Variants in L2HGDH observed in about 807,000 individuals in gnomAD.
L2HGDH encodes L-2-hydroxyglutarate dehydrogenase, mitochondrial.
L2HGDH carries 34 observed loss-of-function variants against 51.5 expected under a neutral mutation model. That is an observed-to-expected ratio of 0.66 (90% CI 0.50 to 0.88). The LOEUF (loss-of-function observed/expected upper bound fraction) is 0.88, where lower values mean the gene tolerates loss of function less well. Among genes scored for constraint, L2HGDH ranks in the 40% least tolerant of loss-of-function variants. The pLI, the probability that L2HGDH is intolerant of heterozygous loss-of-function variation, is 0.00. For missense variants in L2HGDH, 558 were observed against 571.9 expected, an observed-to-expected ratio of 0.98 and a Z score of 0.25; for synonymous variants, 198 against 197.9, an observed-to-expected ratio of 1.00 and a Z score of -0.01.
intron 4 of L2HGDH, among the ~76,000 whole-genome samples, chr14:50,291,173 G>C (rs1890859880): frequency 7.3e-6 from 1 of 136,870 alleles, no homozygotes; most frequent in African/African-American, 2.9e-5. Context: ...ACTCCAGCTT[G>C]GGGGACAGAC....
chr14:50,258,318 C>T (rs1244058051), intron 9 of L2HGDH, among the ~76,000 whole-genome samples: 2 of 151,570 alleles, frequency 1.3e-5, no homozygotes, highest in African/African-American at 4.9e-5. Flanking sequence ...CAGATTCAAG[C>T]AATCCTCCCT....
At position 50,243,175 on chromosome 14, in the gene L2HGDH, G is replaced by A; in HGVS notation, c.*3883C>T. On this transcript the variant is annotated 3_prime_UTR_variant, in exon 10 of 10. Transcript: ENST00000267436. ...CTGAGAGGATCAAGGGAAGGACTTT[G>A]ATATACACATATATGTATGGATAAA... 3 of 985,372 alleles carry A rather than the reference G, an allele frequency of 3.0e-6. No homozygotes were observed. The highest frequency in any genetic ancestry group is 3.6e-6 in the Non-Finnish European group (3 of 829,896). The allele number at this position is 985,372 out of a possible 1,614,324, so 61.0% of individuals were successfully genotyped here. A position where few individuals can be genotyped will look rare whatever the true frequency, so the allele number is the denominator to read the frequency against.
Position 50,312,158 on chromosome 14 carries a change from G to A in L2HGDH, c.-8C>T, listed in dbSNP as rs1042901667. 9.9e-6 allele frequency: 16 copies of A among 1,609,124 alleles called. No individual in the cohort carries two copies. The highest frequency in any genetic ancestry group is 1.6e-4 in the Middle Eastern group (1 of 6,076). On this transcript the variant is annotated 5_prime_UTR_variant, in exon 1 of 10. Coordinates refer to ENST00000267436, the MANE Select transcript of L2HGDH (RefSeq NM_024884.3). ...ACGCAGCGCTGGCACCATCCCCTAC[G>A]CACGCTCCCCTCCCTCAGCGCTCAG...
chr14:50,294,159 G>GC lies in L2HGDH; in HGVS notation c.495dup (p.Leu166AlafsTer15). On this transcript the variant is annotated frameshift_variant, in exon 4 of 10. Transcript: ENST00000267436. LOFTEE classifies it high-confidence loss of function. ...TTTTTTATATCCTCCTGCTGGATCA[G>GC]CCTCAGGCCCGGGACACCATTCTGG... is the stretch of plus-strand genomic sequence containing the variant. 6.2e-7 allele frequency: 1 copy of GC among 1,613,704 alleles called. No individual in the cohort carries two copies. The highest frequency in any genetic ancestry group is 8.5e-7 in the Non-Finnish European group (1 of 1,179,964).
Position 50,245,259 on chromosome 14 carries a change from C to CA in L2HGDH, c.*1798dup, listed in dbSNP as rs1285531097. ...TGAGAGCCTTAGTGTGACTAAAGAT[C>CA]AGAGATATAATAGATAAATAACTTT... On this transcript the variant is annotated 3_prime_UTR_variant, in exon 10 of 10. Coordinates refer to ENST00000267436, the MANE Select transcript of L2HGDH (RefSeq NM_024884.3). 1 of 984,906 alleles carries CA rather than the reference C, an allele frequency of 1.0e-6. No individual in the cohort carries two copies. Among genetic ancestry groups the CA allele is most frequent in the African/African-American group, 1.7e-5 (1 of 57,202 alleles). 61.0% of individuals were successfully genotyped at this position (984,906 alleles called of 1,614,324 possible). A position where few individuals can be genotyped will look rare whatever the true frequency, so the allele number is the denominator to read the frequency against.
At chr14:50,278,410 A>T (rs374419336) in intron 6 of L2HGDH, 110 bp downstream of exon 6, 1 of 548,996 alleles carries the variant, frequency 1.8e-6, no homozygotes, top group Non-Finnish European at 3.2e-6. Context: ...TCAGAATTAC[A>T]TTAGACAAAT....
intron 8 of L2HGDH, among the ~76,000 whole-genome samples, chr14:50,267,137 CTTTTTA>C (rs1364113735): frequency 3.3e-5 from 5 of 149,538 alleles, no homozygotes; most frequent in African/African-American, 9.8e-5. Flanking sequence ...GCCTTATCTT[CTTTTTA>C]TTTTTATTTA....
chr14:50,295,985 C>G (rs560245624), intron 3 of L2HGDH, among the ~76,000 whole-genome samples: 204 of 152,002 alleles, frequency 1.3e-3, no homozygotes, highest in South Asian at 1.0e-2. Context: ...GTGGTCCATC[C>G]ACTTCGGCCT....
intron 9 of L2HGDH, 69 bp from the exon 10 acceptor site, chr14:50,247,322 A>G: frequency 6.4e-7 from 1 of 1,562,034 alleles, no homozygotes; most frequent in Non-Finnish European, 8.7e-7. Context: ...AGCGTTTCCA[A>G]AAAGTCTTAA....
chr14:50,280,067 A>G (rs1293018508), intron 5 of L2HGDH, among the ~76,000 whole-genome samples: 3 of 149,168 alleles, frequency 2.0e-5, no homozygotes, highest in African/African-American at 4.9e-5. Flanking sequence ...CTCAAAAGAA[A>G]AAAAAAAAAA....
chr14:50,243,653 T>C lies in L2HGDH; in HGVS notation c.*3405A>G. ...TCAACAAATTTTTCATTTTTATTTTTCAGGGTATTTTATATATATATATAT... is the reference window on the plus strand; with the variant it reads ...TCAACAAATTTTTCATTTTTATTTTCCAGGGTATTTTATATATATATATAT... On this transcript the variant is annotated 3_prime_UTR_variant, in exon 10 of 10. Transcript: ENST00000267436. 2.6e-6 allele frequency: 1 copy of C among 380,210 alleles called. No individual in the cohort carries two copies. The highest frequency in any genetic ancestry group is 3.3e-6 in the Non-Finnish European group (1 of 303,148). The allele number at this position is 380,210 out of a possible 1,614,324, so 23.6% of individuals were successfully genotyped here.
rs2029892766 is a variant in L2HGDH at position 50,294,081 on chromosome 14, C to T, written c.540+34G>A. On this transcript the variant is annotated intron_variant, in intron 4 of 9. Transcript: ENST00000267436. ...CAGCCTCCATGTCTCAGGACTAAGC[C>T]CTAAATAAAAACATCCCTTTGTTAA... 2.5e-6 allele frequency: 4 copies of T among 1,611,328 alleles called. No individual in the cohort carries two copies. The South Asian group carries it at 3.3e-5, about 13-fold the overall frequency.
chr14:50,243,949 T>C lies in L2HGDH; in HGVS notation c.*3109A>G, dbSNP rs1445783101. On this transcript the variant is annotated 3_prime_UTR_variant, in exon 10 of 10. Transcript: ENST00000267436. ...CATGCGGTGTTTGGTTTTTTGTTCTTGCGATAGTTTACTGAGAATGATGAT... is the reference window on the plus strand; with the variant it reads ...CATGCGGTGTTTGGTTTTTTGTTCTCGCGATAGTTTACTGAGAATGATGAT... 1 of 149,718 alleles carries C rather than the reference T, an allele frequency of 6.7e-6. No individual in the cohort carries two copies. The highest frequency in any genetic ancestry group is 1.5e-5 in the Non-Finnish European group (1 of 67,510). The allele number at this position is 149,718 out of a possible 1,614,324, so 9.3% of individuals were successfully genotyped here.
chr14:50,243,449 G>A lies in L2HGDH; in HGVS notation c.*3609C>T, dbSNP rs1697486505. ...ATTTATTTGCATAAAAGTTTTTATG[G>A]AACTAAAAAATATGTTCTCTACAAC... On this transcript the variant is annotated 3_prime_UTR_variant, in exon 10 of 10. Transcript: ENST00000267436. 1.1e-6 allele frequency: 1 copy of A among 871,088 alleles called. No individual in the cohort carries two copies. Among genetic ancestry groups the A allele is most frequent in the Non-Finnish European group, 1.4e-6 (1 of 726,552 alleles). The allele number at this position is 871,088 out of a possible 1,614,324, so 54.0% of individuals were successfully genotyped here.
At chr14:50,310,831 T>G (rs2031079325) in intron 1 of L2HGDH, among the ~76,000 whole-genome samples, 1 of 152,012 alleles carries the variant, frequency 6.6e-6, no homozygotes, top group African/African-American at 2.4e-5. Context: ...TCGCTATTAC[T>G]GGTATCCCAC....
Position 50,265,439 on chromosome 14 carries a change from A to T in L2HGDH, c.1115T>A (p.Met372Lys). ...SQNFSYGVTE[M>K]YKACFLGATV... Reference sequence around the variant, plus strand: ...TGCACCAAGAAAACATGCTTTATACATTTCAGTAACTCCATAGGAAAAATT... The same window carrying T: ...TGCACCAAGAAAACATGCTTTATACTTTTCAGTAACTCCATAGGAAAAATT... The change falls in exon 9 of 10, where the codon ATG (methionine) becomes AAG (lysine). Residue 372 changes from methionine to lysine, a missense_variant. Met to Lys is a moderately conservative substitution (Grantham distance 95). This residue lies in a region of L2HGDH where 321 missense variants were observed against 311.8 expected (regional missense o/e 1.03). Transcript: ENST00000267436. 6.2e-6 allele frequency: 10 copies of T among 1,613,114 alleles called. No homozygotes were observed. Among genetic ancestry groups the T allele is most frequent in the Non-Finnish European group, 8.5e-6 (10 of 1,179,210 alleles).
In L2HGDH at chr14:50,303,844, G is replaced by A. The variant is rs141742202; in HGVS notation, c.141-827C>T. 9.8e-3 allele frequency among the ~76,000 whole-genome samples: 1,320 copies of A among 134,052 alleles called. 18 individuals are homozygous for A. Among genetic ancestry groups the A allele is most frequent in the African/African-American group, 0.034 (1,226 of 35,920 alleles). 87.9% of individuals were successfully genotyped at this position (134,052 alleles called of 152,430 possible). ...AAAAAAAAAACCTCAAAAGTTATAC[G>A]CATCACTGGTCAGTAGTATAATCAA... On this transcript the variant is annotated intron_variant, in intron 1 of 9. Transcript: ENST00000267436.
rs141560773 is a variant in L2HGDH at position 50,304,396 on chromosome 14, T to C, written c.141-1379A>G. 4.9e-4 allele frequency among the ~76,000 whole-genome samples: 75 copies of C among 152,334 alleles called. 1 individual carries two copies. The highest frequency in any genetic ancestry group is 6.8e-3 in the Middle Eastern group (2 of 294). ...ACAATGTGTTAACACATTAAAGCTT[T>C]AACACTTTAGTGTGCAAGAATTTTT... On this transcript the variant is annotated intron_variant, in intron 1 of 9. Transcript: ENST00000267436.
intron 6 of L2HGDH, among the ~76,000 whole-genome samples, chr14:50,271,965 A>T (rs1889719821): frequency 6.6e-6 from 1 of 152,074 alleles, no homozygotes; most frequent in Non-Finnish European, 1.5e-5. Context: ...ACATGGTGAA[A>T]CCCTGTCTCT....
Sources: gnomAD v4.1 joint callset for allele counts (sites outside exome capture counted in the v4.1 genomes callset) on GRCh38, gnomAD v4.1.1 for gene constraint, gnomAD v4.1.1 regional missense constraint, MANE v1.5 for transcripts, NCBI Gene and HGNC (gene_info 2026-07-23, HGNC 2026-07-21) for gene names.